MAGI1: variants seen among roughly 807,000 people sequenced by gnomAD.
The protein encoded by MAGI1 is membrane-associated guanylate kinase, WW and PDZ domain-containing protein 1.
In MAGI1, 58 loss-of-function variants were observed where a neutral mutation model predicts 139.9. The ratio of observed to expected loss-of-function variants is 0.41; its 90% confidence interval spans 0.34 to 0.52. MAGI1 has a LOEUF of 0.52. Ranked by LOEUF, MAGI1 falls within the 20% of genes least tolerant of loss-of-function variation. The pLI is 0.12. For missense variants in MAGI1, 1,874 were observed against 1,901.6 expected, an observed-to-expected ratio of 0.99 and a Z score of 0.27; for synonymous variants, 812 against 737.9, an observed-to-expected ratio of 1.10 and a Z score of -1.63.
At chr3:66,037,358 C>T (rs2068984430) in intron 1 of MAGI1, among the ~76,000 whole-genome samples, 1 of 152,106 alleles carries the variant, frequency 6.6e-6, no homozygotes, top group Non-Finnish European at 1.5e-5. Context: ...CCGATTCGAG[C>T]TAAAAGCAAG....
intron 1 of MAGI1, among the ~76,000 whole-genome samples, chr3:65,969,646 C>T (rs779805379): frequency 2.6e-5 from 4 of 152,248 alleles, no homozygotes; most frequent in Admixed American, 2.6e-4. Flanking sequence ...GGAGTTGTTG[C>T]TCTTTACCAC....
intron 1 of MAGI1, among the ~76,000 whole-genome samples, chr3:65,906,546 G>C (rs558486016): frequency 1.3e-5 from 2 of 152,216 alleles, no homozygotes; most frequent in African/African-American, 2.4e-5. Flanking sequence ...ACTCTCAAGG[G>C]AAATGCCAAA....
chr3:65,388,396 T>G (rs1276858888), intron 14 of MAGI1, among the ~76,000 whole-genome samples: 1 of 152,154 alleles, frequency 6.6e-6, no homozygotes, highest in East Asian at 1.9e-4. Context: ...CTGTTTTTCC[T>G]GGATTACTCT....
chr3:65,957,033 T>C (rs531391358), intron 1 of MAGI1, among the ~76,000 whole-genome samples: 2 of 151,788 alleles, frequency 1.3e-5, no homozygotes, highest in South Asian at 2.1e-4. Flanking sequence ...ATTAGAAAAA[T>C]GCATAGTCTA....
chr3:65,921,530 G>C (rs759437800), intron 1 of MAGI1, among the ~76,000 whole-genome samples: 4 of 151,864 alleles, frequency 2.6e-5, no homozygotes, highest in Non-Finnish European at 5.9e-5. Flanking sequence ...GGCTGGTCTC[G>C]AACTTCTGGC....
chr3:65,775,698 T>G (rs2038358789), intron 1 of MAGI1, among the ~76,000 whole-genome samples: 1 of 151,920 alleles, frequency 6.6e-6, no homozygotes, highest in African/African-American at 2.4e-5. Context: ...CCCAGCATTT[T>G]CAGAGGCGGA....
chr3:65,588,301 G>C (rs1379498247), intron 2 of MAGI1, among the ~76,000 whole-genome samples: 1 of 152,158 alleles, frequency 6.6e-6, no homozygotes. Context: ...TGCTCTAAGG[G>C]TGAAGCATTC....
chr3:65,810,146 A>G (rs531502356), intron 1 of MAGI1, among the ~76,000 whole-genome samples: 1 of 152,370 alleles, frequency 6.6e-6, no homozygotes, highest in Non-Finnish European at 1.5e-5. Flanking sequence ...ATCTTTACCT[A>G]TAATTTCACA....
intron 1 of MAGI1, among the ~76,000 whole-genome samples, chr3:65,726,956 CAAAAAAAA>C: frequency 9.8e-6 from 1 of 102,210 alleles, no homozygotes; most frequent in Non-Finnish European, 2.2e-5. Flanking sequence ...CTCCAAAATC[CAAAAAAAA>C]AAAAAAAAAA....
intron 1 of MAGI1, among the ~76,000 whole-genome samples, chr3:65,651,412 T>C (rs1175435659): frequency 1.3e-5 from 2 of 152,146 alleles, no homozygotes; most frequent in Non-Finnish European, 2.9e-5. Flanking sequence ...AGTCCAAATC[T>C]TTGGGTCTAC....
chr3:65,412,842 C>A (rs989594393), intron 12 of MAGI1, among the ~76,000 whole-genome samples: 5 of 152,196 alleles, frequency 3.3e-5, no homozygotes, highest in Admixed American at 6.5e-5. Flanking sequence ...GGTGTCCTGA[C>A]TTCCCATCAC....
chr3:65,661,237 G>A (rs1169981439), intron 1 of MAGI1, among the ~76,000 whole-genome samples: 2 of 152,046 alleles, frequency 1.3e-5, no homozygotes, highest in African/African-American at 4.8e-5. Context: ...GAACTAGTGG[G>A]GAGAAAAGCA....
At chr3:65,750,603 G>A (rs1303238015) in intron 1 of MAGI1, among the ~76,000 whole-genome samples, 1 of 152,212 alleles carries the variant, frequency 6.6e-6, no homozygotes, top group Non-Finnish European at 1.5e-5. Flanking sequence ...AAATTTTGCT[G>A]TGTAAATCAG....
intron 2 of MAGI1, among the ~76,000 whole-genome samples, chr3:65,540,622 T>C (rs2079166025): frequency 6.6e-6 from 1 of 152,228 alleles, no homozygotes; most frequent in Non-Finnish European, 1.5e-5. Context: ...TTCTTATCTA[T>C]TTATTCAAAA....
chr3:65,407,016 C>A (rs1347557080), intron 12 of MAGI1, among the ~76,000 whole-genome samples: 1 of 152,082 alleles, frequency 6.6e-6, no homozygotes, highest in Admixed American at 6.6e-5. Context: ...ATGCATAATT[C>A]TAAATGTAGG....
chr3:65,781,314 T>C (rs189608416), intron 1 of MAGI1, among the ~76,000 whole-genome samples: 147 of 152,310 alleles, frequency 9.7e-4, no homozygotes, highest in African/African-American at 3.2e-3. Flanking sequence ...ACAGCATTCA[T>C]TGAGTATACT....
At chr3:65,903,196 G>A (rs899181566) in intron 1 of MAGI1, among the ~76,000 whole-genome samples, 1 of 152,118 alleles carries the variant, frequency 6.6e-6, no homozygotes, top group Non-Finnish European at 1.5e-5. Context: ...GGGTCTCTAT[G>A]GTGCCCAGGC....
At chr3:65,611,852 C>A (rs1949845) in intron 2 of MAGI1, among the ~76,000 whole-genome samples, 63,657 of 151,084 alleles carry the variant, frequency 0.42, 13,962 homozygotes, top group Non-Finnish European at 0.49. Context: ...TAATTGTAAG[C>A]CAAGCCACTT....
At chr3:65,661,528 C>T (rs2086186721) in intron 1 of MAGI1, among the ~76,000 whole-genome samples, 1 of 152,104 alleles carries the variant, frequency 6.6e-6, no homozygotes. Flanking sequence ...AAGATGTTTG[C>T]ATTGGAATCC....
Sources: gnomAD v4.1 joint callset for allele counts (sites outside exome capture counted in the v4.1 genomes callset) on GRCh38, gnomAD v4.1.1 for gene constraint, MANE v1.5 for transcripts, NCBI Gene and HGNC (gene_info 2026-07-23, HGNC 2026-07-21) for gene names.